The following PRKN variants were observed in gnomAD, a reference collection of about 807,000 sequenced individuals.
PRKN encodes parkin RBR E3 ubiquitin protein ligase, also known as E3 ubiquitin-protein ligase parkin.
A neutral mutation model predicts 59.5 loss-of-function variants in PRKN; 56 were observed. The observed-to-expected ratio is 0.94, with a 90% confidence interval of 0.76 to 1.18. PRKN has a LOEUF of 1.18. PRKN is among the 50% of genes most tolerant of loss of function. The probability of loss-of-function intolerance (pLI) is 0.00; values close to 1 mark genes in which losing one functional copy is unlikely to be tolerated. For missense variants in PRKN, 657 were observed against 596.4 expected (o/e 1.10, Z -1.06); for synonymous variants, 250 against 222.1 (o/e 1.13, Z -1.12).
At chr6:162,394,068 T>A (rs1787354060) in intron 2 of PRKN, among the ~76,000 whole-genome samples, 1 of 152,242 alleles carries the variant, frequency 6.6e-6, no homozygotes. Flanking sequence ...TACACTGTAG[T>A]AACTTATAAT....
chr6:162,100,536 A>C (rs1779924311), intron 4 of PRKN, among the ~76,000 whole-genome samples: 1 of 150,444 alleles, frequency 6.6e-6, no homozygotes, highest in Non-Finnish European at 1.5e-5. Flanking sequence ...CTCCCTCCTG[A>C]GTTCAAGCGA....
At chr6:162,594,432 T>C (rs980230746) in intron 1 of PRKN, among the ~76,000 whole-genome samples, 36 of 152,306 alleles carry the variant, frequency 2.4e-4, no homozygotes, top group Non-Finnish European at 2.2e-4. Context: ...AACAAGTTCC[T>C]TTTAAAAGTC....
intron 2 of PRKN, among the ~76,000 whole-genome samples, chr6:162,435,202 G>T (rs1789713296): frequency 6.6e-6 from 1 of 152,170 alleles, no homozygotes; most frequent in South Asian, 2.1e-4. Flanking sequence ...TTGGAGATTG[G>T]ATTGCTGCAG....
intron 1 of PRKN, chr6:162,694,714 A>C (rs1222129677): frequency 6.6e-6 from 1 of 152,378 alleles, no homozygotes; most frequent in South Asian, 2.1e-4. Flanking sequence ...CTCAATTTGA[A>C]TGTGATTTCA....
intron 1 of PRKN, among the ~76,000 whole-genome samples, chr6:162,549,102 G>GGGTCT (rs1231978923): frequency 1.3e-5 from 2 of 152,050 alleles, no homozygotes; most frequent in Non-Finnish European, 2.9e-5. Flanking sequence ...TAGGGCACAA[G>GGGTCT]GGTAGAACCC....
intron 7 of PRKN, among the ~76,000 whole-genome samples, chr6:161,694,825 C>A: frequency 6.6e-6 from 1 of 152,168 alleles, no homozygotes; most frequent in East Asian, 1.9e-4. Flanking sequence ...CTGAGTTGTG[C>A]TGTGTAGAAA....
intron 1 of PRKN, among the ~76,000 whole-genome samples, chr6:162,509,654 GA>G (rs1197401915): frequency 1.3e-5 from 2 of 152,096 alleles, no homozygotes; most frequent in African/African-American, 4.8e-5. Flanking sequence ...AAGTTACAGA[GA>G]TAGCAAATGT....
At chr6:162,359,034 T>C (rs1262240587) in intron 2 of PRKN, among the ~76,000 whole-genome samples, 1 of 134,724 alleles carries the variant, frequency 7.4e-6, no homozygotes, top group African/African-American at 2.9e-5. Flanking sequence ...CACACCATCC[T>C]GGGTGACACA....
intron 1 of PRKN, among the ~76,000 whole-genome samples, chr6:162,471,403 A>C (rs1368145982): frequency 6.6e-6 from 1 of 152,044 alleles, no homozygotes; most frequent in Non-Finnish European, 1.5e-5. Context: ...TCGCCTCCAC[A>C]CTTTATTTTT....
At chr6:162,509,842 AAGCT>A in intron 1 of PRKN, among the ~76,000 whole-genome samples, 1 of 152,302 alleles carries the variant, frequency 6.6e-6, no homozygotes, top group South Asian at 2.1e-4. Flanking sequence ...CTCCTGCTGG[AAGCT>A]AGCTGAGGAC....
intron 3 of PRKN, among the ~76,000 whole-genome samples, chr6:162,231,002 T>C (rs1778399398): frequency 6.6e-6 from 1 of 152,224 alleles, no homozygotes; most frequent in Non-Finnish European, 1.5e-5. Flanking sequence ...ATGGTTCCTG[T>C]ACGACAAATG....
intron 4 of PRKN, among the ~76,000 whole-genome samples, chr6:162,109,149 A>G (rs1241021054): frequency 2.0e-5 from 3 of 152,296 alleles, no homozygotes; most frequent in African/African-American, 2.4e-5. Flanking sequence ...GCAATGGGAA[A>G]CTGACACAGC....
intron 1 of PRKN, among the ~76,000 whole-genome samples, chr6:162,507,406 T>C (rs1793657233): frequency 1.3e-5 from 2 of 151,982 alleles, no homozygotes; most frequent in South Asian, 4.1e-4. Context: ...GTTCTTCCTG[T>C]CTCTCAAAAA....
chr6:162,601,089 A>G (rs537661824), intron 1 of PRKN, among the ~76,000 whole-genome samples: 2 of 152,292 alleles, frequency 1.3e-5, no homozygotes, highest in African/African-American at 4.8e-5. Flanking sequence ...TCCAAGAACA[A>G]GGCAACGGCA....
intron 9 of PRKN, among the ~76,000 whole-genome samples, chr6:161,431,293 CT>C (rs1243214875): frequency 1.3e-5 from 2 of 151,838 alleles, no homozygotes; most frequent in Non-Finnish European, 2.9e-5. Flanking sequence ...ATGGCTTTTT[CT>C]ATAAATTAAA....
rs369555916 is a variant in PRKN, at chr6:161,708,562, A to G, written c.871+77210T>C. Among the ~76,000 whole-genome samples, 3 of 152,056 alleles carry G rather than the reference A, an allele frequency of 2.0e-5. No individual in the cohort carries two copies. The East Asian group carries it at 5.8e-4, about 29-fold the overall frequency. On this transcript the variant is annotated intron_variant, in intron 7 of 11. Transcript: ENST00000366898. ...TTAGTGACATTGCAACAGGAACGTC[A>G]TTCACTTAACCGTTCTTTCAACAGA...
chr6:161,633,729 C>T (rs1218067860), intron 7 of PRKN, among the ~76,000 whole-genome samples: 1 of 152,060 alleles, frequency 6.6e-6, no homozygotes, highest in Non-Finnish European at 1.5e-5. Flanking sequence ...TTTTGGTTTC[C>T]TGAAACTGTC....
At chr6:161,689,223 C>CAT (rs1221102814) in intron 7 of PRKN, among the ~76,000 whole-genome samples, 1 of 100,660 alleles carries the variant, frequency 9.9e-6, no homozygotes, top group Non-Finnish European at 2.2e-5. Flanking sequence ...CACACACACA[C>CAT]ACACACACAC....
At chr6:162,235,026 T>C (rs1427812258) in intron 3 of PRKN, among the ~76,000 whole-genome samples, 2 of 152,174 alleles carry the variant, frequency 1.3e-5, no homozygotes, top group Non-Finnish European at 2.9e-5. Context: ...GTTAGGTGAA[T>C]AAAATATAAC....
Sources: allele counts gnomAD v4.1 joint callset (sites outside exome capture counted in the v4.1 genomes callset), GRCh38; gene constraint gnomAD v4.1.1; transcripts MANE v1.5; gene names NCBI Gene and HGNC (gene_info 2026-07-23, HGNC 2026-07-21).